The following LINGO2 variants were observed in gnomAD, a reference collection of about 807,000 sequenced individuals.
LINGO2 encodes the protein leucine rich repeat and Ig domain containing 2, also known as leucine-rich repeat and immunoglobulin-like domain-containing nogo receptor-interacting protein 2.
LINGO2 carries 14 observed loss-of-function variants against 30.6 expected under a neutral mutation model. The observed-to-expected ratio is 0.46, with a 90% CI of 0.30 to 0.72. The LOEUF is 0.72. Among genes scored for constraint, LINGO2 ranks in the 30% least tolerant of loss-of-function variants. The probability of loss-of-function intolerance (pLI) is 0.07; values close to 1 mark genes in which losing one functional copy is unlikely to be tolerated. For missense variants in LINGO2, 729 were observed against 751.7 expected, an observed-to-expected ratio of 0.97 and a Z score of 0.35; for synonymous variants, 317 against 288.5, an observed-to-expected ratio of 1.10 and a Z score of -1.00.
At chr9:29,073,092 C>T in the LINGO2 span, among the ~76,000 whole-genome samples, 6 of 151,684 alleles carry the variant, frequency 4.0e-5, no homozygotes, top group South Asian at 2.1e-4. Context: ...TATCTACAAT[C>T]TTGTATTTTA....
chr9:27,952,422 A>G (rs1029718355), intron 5 of LINGO2, among the ~76,000 whole-genome samples: 1 of 152,010 alleles, frequency 6.6e-6, no homozygotes, highest in African/African-American at 2.4e-5. Flanking sequence ...ATTACAAAGA[A>G]TAATGTTTTA....
Position 28,246,872 on chromosome 9 carries a change from T to C in LINGO2, c.-87+48336A>G, listed in dbSNP as rs985770448. Among the ~76,000 whole-genome samples, 3 of 152,036 alleles carry C rather than the reference T, an allele frequency of 2.0e-5. 1 individual carries two copies. The highest frequency in any genetic ancestry group is 4.4e-5 in the Non-Finnish European group (3 of 67,992). On this transcript the variant is annotated intron_variant, in intron 4 of 5. Coordinates refer to ENST00000379992, the Ensembl canonical transcript of LINGO2. Reference sequence around the variant, plus strand: ...CTACCCTTTTGACAAAGGTCTAATATACAGAATTTACAAGAAACTAAAACA... The same window carrying C: ...CTACCCTTTTGACAAAGGTCTAATACACAGAATTTACAAGAAACTAAAACA...
chr9:27,942,328 C>G, the LINGO2 span: 44 of 152,208 alleles, frequency 2.9e-4, no homozygotes, highest in African/African-American at 1.0e-3. Flanking sequence ...TAACCTACTT[C>G]TCTCAATAAG....
At chr9:28,703,845 A>G in the LINGO2 span, among the ~76,000 whole-genome samples, 1 of 151,990 alleles carries the variant, frequency 6.6e-6, no homozygotes, top group Non-Finnish European at 1.5e-5. Flanking sequence ...CCTTATAATA[A>G]TAAAGTATTC....
chr9:28,754,188 C>T, the LINGO2 span, among the ~76,000 whole-genome samples: 2 of 152,018 alleles, frequency 1.3e-5, no homozygotes, highest in Non-Finnish European at 1.5e-5. Flanking sequence ...TTAAACATTA[C>T]TATATACAAG....
At chr9:27,974,031 T>C (rs1054176918) in intron 5 of LINGO2, among the ~76,000 whole-genome samples, 30 of 152,302 alleles carry the variant, frequency 2.0e-4, no homozygotes, top group African/African-American at 7.0e-4. Flanking sequence ...TGGTGTTATA[T>C]GGAGAGTCAG....
At chr9:28,241,722 C>T (rs182778382) in intron 4 of LINGO2, among the ~76,000 whole-genome samples, 389 of 152,290 alleles carry the variant, frequency 2.6e-3, no homozygotes, top group Non-Finnish European at 4.2e-3. Flanking sequence ...AGTGTTCCTA[C>T]TGTCATCAGG....
At chr9:28,540,711 C>T (rs138008462) in intron 1 of LINGO2, among the ~76,000 whole-genome samples, 3 of 152,214 alleles carry the variant, frequency 2.0e-5, no homozygotes, top group South Asian at 2.1e-4. Context: ...AATGTATAGG[C>T]GTGATCATCA....
At chr9:27,985,549 A>T (rs1821083750) in intron 5 of LINGO2, among the ~76,000 whole-genome samples, 3 of 145,800 alleles carry the variant, frequency 2.1e-5, no homozygotes, top group Non-Finnish European at 3.0e-5. Context: ...TGATTTGAGG[A>T]TAATTTTTGG....
At chr9:28,632,871 TATATATATGTAGAGAGAG>T (rs1827055750) in intron 1 of LINGO2, among the ~76,000 whole-genome samples, 1 of 107,632 alleles carries the variant, frequency 9.3e-6, no homozygotes, top group Admixed American at 1.2e-4. Flanking sequence ...TATATATATA[TATATATATGTAGAGAGAG>T]AGAGAGAGAG....
chr9:28,133,548 A>T (rs1827434301), intron 4 of LINGO2, among the ~76,000 whole-genome samples: 1 of 152,178 alleles, frequency 6.6e-6, no homozygotes, highest in South Asian at 2.1e-4. Context: ...CTCACTGGGT[A>T]AACTTTCACA....
At chr9:28,266,002 C>T (rs1163548401) in intron 4 of LINGO2, among the ~76,000 whole-genome samples, 1 of 151,868 alleles carries the variant, frequency 6.6e-6, no homozygotes, top group Non-Finnish European at 1.5e-5. Flanking sequence ...TACAGAAACA[C>T]CTAGTAATTT....
chr9:28,913,405 T>A, the LINGO2 span, among the ~76,000 whole-genome samples: 31 of 152,202 alleles, frequency 2.0e-4, 1 homozygote, highest in South Asian at 5.8e-3. Context: ...ATACTAACCT[T>A]AATGCTCCTT....
At chr9:29,139,171 T>C in the LINGO2 span, among the ~76,000 whole-genome samples, 1 of 152,070 alleles carries the variant, frequency 6.6e-6, no homozygotes, top group African/African-American at 2.4e-5. Flanking sequence ...CAACAACCCA[T>C]GAAGAACTGA....
chr9:28,330,857 AG>A (rs1396332766), intron 3 of LINGO2, among the ~76,000 whole-genome samples: 1 of 152,190 alleles, frequency 6.6e-6, no homozygotes, highest in East Asian at 1.9e-4. Context: ...AAAATAATTT[AG>A]GTAGGTTTTA....
the LINGO2 span, among the ~76,000 whole-genome samples, chr9:28,842,437 A>G: frequency 3.3e-5 from 5 of 151,906 alleles, 1 homozygote; most frequent in African/African-American, 1.2e-4. Context: ...ATTAAGGATG[A>G]AAAAGACATC....
chr9:28,599,811 T>C (rs993848239), intron 1 of LINGO2, among the ~76,000 whole-genome samples: 3 of 152,160 alleles, frequency 2.0e-5, no homozygotes, highest in Non-Finnish European at 4.4e-5. Flanking sequence ...AAACGCTTTT[T>C]CTATATTAAA....
the LINGO2 span, among the ~76,000 whole-genome samples, chr9:29,212,019 C>T: frequency 6.6e-6 from 1 of 152,322 alleles, no homozygotes; most frequent in South Asian, 2.1e-4. Flanking sequence ...CCCTCCCACC[C>T]TGAGTATCTG....
rs386414751 is a variant in LINGO2, at chr9:28,397,543, C to CTTTTTTT, written c.-278-24682_-278-24676dup. Among the ~76,000 whole-genome samples, 37 of 110,024 alleles carry CTTTTTTT rather than the reference C, an allele frequency of 3.4e-4. No homozygotes were observed. In the East Asian group the frequency reaches 4.0e-3, roughly 12 times the overall value. The allele number at this position is 110,024 out of a possible 152,430, so 72.2% of individuals were successfully genotyped here. ...CAATACCATGCTGTACAATAGATGT[C>CTTTTTTT]TTTTTTTTTTTTTTTTTTTTTTGAG... On this transcript the variant is annotated intron_variant, in intron 2 of 5. Transcript: ENST00000379992.
Sources: gnomAD v4.1 joint callset for allele counts (sites outside exome capture counted in the v4.1 genomes callset) on GRCh38, gnomAD v4.1.1 for gene constraint, MANE v1.5 for transcripts, NCBI Gene and HGNC (gene_info 2026-07-23, HGNC 2026-07-21) for gene names.